The following KIF24 variants were observed in gnomAD, a reference collection of about 807,000 sequenced individuals.
KIF24 encodes kinesin-like protein KIF24.
In KIF24, 81 loss-of-function variants were observed where a neutral mutation model predicts 118.9. The ratio of observed to expected loss-of-function variants is 0.68; its 90% confidence interval spans 0.57 to 0.82. KIF24 has a LOEUF of 0.82. KIF24 is among the 40% of genes least tolerant of loss of function. The pLI is 0.00. For synonymous variants in KIF24, 599 were observed against 610.0 expected (o/e 0.98, Z 0.27); for missense variants, 1,560 against 1,661.6 (o/e 0.94, Z 1.06).
rs768909074 is a variant in KIF24, at chr9:34,318,715, C to G, written c.-25-7344G>C. 1 of 1,504,990 alleles carries G rather than the reference C, an allele frequency of 6.6e-7. No individual in the cohort carries two copies. The highest frequency in any genetic ancestry group is 9.1e-7 in the Non-Finnish European group (1 of 1,104,110). 93.2% of individuals were successfully genotyped at this position (1,504,990 alleles called of 1,614,324 possible). A position where few individuals can be genotyped will look rare whatever the true frequency, so the allele number is the denominator to read the frequency against. The stretch of plus-strand genomic sequence containing the variant: ...TGCTGAGTGCCAAGCAGCTGAGCGA[C>G]GAGGAGGTGCACGCCGGCGTGGGCG... On this transcript the variant is annotated intron_variant, in intron 1 of 12. Transcript: ENST00000402558. This position sits in a 1 kb window ranked among gnomAD's most constrained non-coding sequence, Gnocchi z 4.9.
intron 7 of KIF24, among the ~76,000 whole-genome samples, chr9:34,270,670 C>T (rs1835470965): frequency 6.6e-6 from 1 of 150,898 alleles, no homozygotes; most frequent in South Asian, 2.1e-4. Context: ...TCTGTCACCC[C>T]ATTGATCTAA....
Position 34,269,359 on chromosome 9 carries a change from G to T in KIF24, c.1341C>A (p.Ile447=). 6.4e-7 allele frequency: 1 copy of T among 1,552,598 alleles called. No individual in the cohort carries two copies. Among genetic ancestry groups the T allele is most frequent in the Non-Finnish European group, 8.9e-7 (1 of 1,127,014 alleles). ...KDSAKRTFGR[I]SFIDLAGSER... is the part of the protein sequence containing the mutation. Reference sequence around the variant, plus strand: ...CACTGCCAGCCAAGTCAATAAAAGAGATCCTAGAGAAAAGACACAGCAGGA... The same window carrying T: ...CACTGCCAGCCAAGTCAATAAAAGATATCCTAGAGAAAAGACACAGCAGGA... Residue 447 remains isoleucine, a synonymous_variant, in exon 8 of 13, where the codon ATC becomes ATA. Transcript: ENST00000402558.
intron 8 of KIF24, among the ~76,000 whole-genome samples, chr9:34,266,996 C>T (rs1253651061): frequency 2.0e-5 from 3 of 152,126 alleles, no homozygotes; most frequent in African/African-American, 7.2e-5. Context: ...GTTTAGGTAA[C>T]ATGAACTCCA....
At position 34,318,329 on chromosome 9, in the gene KIF24, A is replaced by C; in HGVS notation, c.-25-6958T>G. On this transcript the variant is annotated intron_variant, in intron 1 of 12. Transcript: ENST00000402558. This position sits in a 1 kb window ranked among gnomAD's most constrained non-coding sequence, Gnocchi z 4.9. ...GAGACTCCCGTCTTGGAGCCAGCCC[A>C]GCCCAACCCAGCCCAACCCAGCTTG... The C allele has an allele frequency of 3.2e-5, 18 of 555,988 alleles. No individual in the cohort carries two copies. The highest frequency in any genetic ancestry group is 4.8e-4 in the Middle Eastern group (1 of 2,076). The allele number at this position is 555,988 out of a possible 1,614,324, so 34.4% of individuals were successfully genotyped here.
chr9:34,285,728 T>C (rs967153163), intron 6 of KIF24, among the ~76,000 whole-genome samples: 16 of 147,810 alleles, frequency 1.1e-4, no homozygotes, highest in African/African-American at 3.8e-4. Flanking sequence ...TGAGCAGAGA[T>C]TGCGCCACTG....
At chr9:34,328,274 A>G (rs1476235656) in intron 1 of KIF24, among the ~76,000 whole-genome samples, 1 of 152,222 alleles carries the variant, frequency 6.6e-6, no homozygotes, top group Non-Finnish European at 1.5e-5. Context: ...GCTTTAAAAC[A>G]TTTTCCAAAG....
At chr9:34,260,354 A>G (rs1835008723) in intron 9 of KIF24, among the ~76,000 whole-genome samples, 2 of 152,196 alleles carry the variant, frequency 1.3e-5, no homozygotes, top group Non-Finnish European at 2.9e-5. Context: ...AACAGGGAAC[A>G]AACTAAATAA....
intron 3 of KIF24, among the ~76,000 whole-genome samples, chr9:34,299,804 A>ATGTG (rs750264704): frequency 1.6e-5 from 2 of 123,204 alleles, no homozygotes; most frequent in Admixed American, 9.1e-5. Context: ...GGCTACCAAG[A>ATGTG]TGTGTGTGTG....
Position 34,256,987 on chromosome 9 carries a change from GCTGT to G in KIF24, c.2616_2619del (p.Arg872SerfsTer16). 1.2e-6 allele frequency: 2 copies of G among 1,614,030 alleles called. No individual in the cohort carries two copies. The highest frequency in any genetic ancestry group is 1.7e-6 in the Non-Finnish European group (2 of 1,179,898). On this transcript the variant is annotated frameshift_variant, in exon 11 of 13. Coordinates refer to ENST00000402558, the MANE Select transcript of KIF24 (RefSeq NM_194313.4). LOFTEE classifies it high-confidence loss of function. ...GTCCTGGGGCTAGAAAACAGACTCT[GCTGT>G]CTTTCTGCCACCTGCTTCTCAGGAC...
rs1295107721 is a variant in KIF24, at chr9:34,257,902, T to C, written c.1705A>G (p.Lys569Glu). ...GCCCCAGGGGAGCTCTGAATTCGTT[T>C]TGGAGAGGAGTTTCCAGATGTCCGA... ...RNRTSGNSSP[K>E]RIQSSPGALS... The change falls in exon 11 of 13, where the codon AAA becomes GAA. Residue 569 changes from lysine (K) to glutamate (E), a missense_variant. By Grantham distance (56) the Lys-to-Glu change is moderately conservative. Coordinates refer to ENST00000402558, the MANE Select transcript of KIF24 (RefSeq NM_194313.4). 4 of 1,613,888 alleles carry C rather than the reference T, an allele frequency of 2.5e-6. No individual in the cohort carries two copies. The African/African-American group carries it at 5.3e-5, about 22-fold the overall frequency.
chr9:34,268,891 G>A (rs891792042), intron 8 of KIF24, among the ~76,000 whole-genome samples: 2 of 152,134 alleles, frequency 1.3e-5, no homozygotes, highest in African/African-American at 4.8e-5. Context: ...GAATCTGACA[G>A]GTATATGGGA....
intron 5 of KIF24, among the ~76,000 whole-genome samples, chr9:34,288,848 C>CCACACACACACACA (rs10537521): frequency 3.9e-4 from 54 of 138,978 alleles, no homozygotes; most frequent in African/African-American, 1.3e-3. Context: ...CCCAAATAAA[C>CCACACACACACACA]CACACACACA....
intron 3 of KIF24, among the ~76,000 whole-genome samples, chr9:34,297,668 A>C (rs1836537862): frequency 6.6e-6 from 1 of 152,004 alleles, no homozygotes; most frequent in Non-Finnish European, 1.5e-5. Context: ...AGGCTGAGGC[A>C]GGAGAATGGC....
rs756962349 is a variant in KIF24, at chr9:34,256,564, C to A, written c.3043G>T (p.Gly1015Cys). 6.2e-7 allele frequency: 1 copy of A among 1,613,954 alleles called. No homozygotes were observed. Among genetic ancestry groups the A allele is most frequent in the Admixed American group, 1.7e-5 (1 of 60,008 alleles). Residue 1015 changes from glycine (G) to cysteine (C), a missense_variant, in exon 11 of 13, where the codon GGC becomes TGC. Coordinates refer to ENST00000402558, the MANE Select transcript of KIF24 (RefSeq NM_194313.4). ...ACAGTGCTGGTCACCTGGATTGGGC[C>A]GTCTGCACTGACTTCTCTCAGAGGT... is the stretch of plus-strand genomic sequence containing the variant. ...TTPLREVSAD[G>C]PIQVTSTVKN...
intron 2 of KIF24, among the ~76,000 whole-genome samples, chr9:34,306,743 A>G (rs569802279): frequency 2.6e-5 from 4 of 152,188 alleles, no homozygotes; most frequent in African/African-American, 9.6e-5. Context: ...CAGAGCTTGC[A>G]GTGAGCCGAG....
At chr9:34,325,497 A>G (rs1370213120) in intron 1 of KIF24, among the ~76,000 whole-genome samples, 1 of 152,072 alleles carries the variant, frequency 6.6e-6, no homozygotes, top group Non-Finnish European at 1.5e-5. Context: ...GTTCGAGACC[A>G]GCCTGGTCAA....
intron 4 of KIF24, 42 bp downstream of exon 4, chr9:34,296,975 T>C (rs751552484): frequency 2.5e-5 from 24 of 978,586 alleles, no homozygotes; most frequent in Non-Finnish European, 3.6e-5. Flanking sequence ...TAATGGAAAA[T>C]AGAAAATAAA....
At chr9:34,308,998 T>C (rs537918517) in intron 2 of KIF24, among the ~76,000 whole-genome samples, 135 of 151,934 alleles carry the variant, frequency 8.9e-4, no homozygotes, top group African/African-American at 3.0e-3. Flanking sequence ...GGAGGATCAC[T>C]TGACCTCAGG....
At chr9:34,263,225 C>T in intron 8 of KIF24, 53 bp from the exon 9 acceptor site, 6 of 1,306,002 alleles carry the variant, frequency 4.6e-6, no homozygotes, top group Non-Finnish European at 6.6e-6. Flanking sequence ...GGGAGAGTAA[C>T]AGACCTGATG....
Sources: allele counts gnomAD v4.1 joint callset (sites outside exome capture counted in the v4.1 genomes callset), GRCh38; gene constraint gnomAD v4.1.1; non-coding constraint Gnocchi (gnomAD v3.1); transcripts MANE v1.5; gene names NCBI Gene and HGNC (gene_info 2026-07-23, HGNC 2026-07-21).